MAGI2: variants seen among roughly 807,000 people sequenced by gnomAD.
MAGI2 encodes membrane associated guanylate kinase, WW and PDZ domain containing 2, also known as membrane-associated guanylate kinase, WW and PDZ domain-containing protein 2.
MAGI2 carries 35 observed loss-of-function variants against 133.3 expected under a neutral mutation model. That is an observed-to-expected ratio of 0.26 (90% CI 0.20 to 0.35). The LOEUF is 0.35. MAGI2 is among the 10% of genes least tolerant of loss of function. The pLI is 1.00. For missense variants in MAGI2, 1,636 were observed against 1,863.4 expected, an observed-to-expected ratio of 0.88 and a Z score of 2.25; for synonymous variants, 729 against 710.6, an observed-to-expected ratio of 1.03 and a Z score of -0.41.
chr7:79,259,711 G>T (rs866893466), intron 1 of MAGI2, among the ~76,000 whole-genome samples: 1 of 152,030 alleles, frequency 6.6e-6, no homozygotes, highest in Non-Finnish European at 1.5e-5. Context: ...TTACCAAATT[G>T]TTACTTGATT....
intron 3 of MAGI2, among the ~76,000 whole-genome samples, chr7:78,568,801 A>C (rs187985406): frequency 4.1e-4 from 63 of 152,220 alleles, no homozygotes; most frequent in Middle Eastern, 3.4e-3. Flanking sequence ...TGAAAAAAAA[A>C]CATGTAAGTC....
chr7:79,006,958 C>T, intron 2 of MAGI2, 132 bp downstream of exon 2: 1 of 614,650 alleles, frequency 1.6e-6, no homozygotes, highest in Non-Finnish European at 2.7e-6. Context: ...ATTGCCACAT[C>T]TCAAATAAGT....
At chr7:79,061,574 GA>G (rs1298836650) in intron 1 of MAGI2, among the ~76,000 whole-genome samples, 2 of 151,866 alleles carry the variant, frequency 1.3e-5, no homozygotes, top group African/African-American at 4.8e-5. Context: ...TGAAAAAGAA[GA>G]AAAAAAGAAG....
chr7:78,907,902 A>C, intron 2 of MAGI2, among the ~76,000 whole-genome samples: 1 of 152,344 alleles, frequency 6.6e-6, no homozygotes, highest in South Asian at 2.1e-4. Context: ...TAACTATTTA[A>C]AGCACTGAAT....
At chr7:78,470,034 G>A (rs1791036000) in intron 6 of MAGI2, among the ~76,000 whole-genome samples, 1 of 152,070 alleles carries the variant, frequency 6.6e-6, no homozygotes, top group Non-Finnish European at 1.5e-5. Flanking sequence ...TGTTCCCTAA[G>A]CCTGCTGTGG....
intron 1 of MAGI2, among the ~76,000 whole-genome samples, chr7:79,026,266 T>A (rs1215614689): frequency 1.3e-5 from 2 of 152,216 alleles, no homozygotes; most frequent in Admixed American, 1.3e-4. Flanking sequence ...TGTCCATAAT[T>A]TTTAAACCTA....
At chr7:79,428,534 G>C (rs1206526000) in intron 1 of MAGI2, among the ~76,000 whole-genome samples, 2 of 152,064 alleles carry the variant, frequency 1.3e-5, no homozygotes, top group Non-Finnish European at 2.9e-5. Context: ...TCATTAATAG[G>C]CTTTTCTGTC....
At chr7:78,510,071 G>A (rs73139218) in intron 4 of MAGI2, among the ~76,000 whole-genome samples, 23,598 of 152,006 alleles carry the variant, frequency 0.16, 2,192 homozygotes, top group South Asian at 0.34. Context: ...AAACATTTAA[G>A]CTGAGAGAAA....
At chr7:79,149,149 ATATATATATAT>A (rs1453958290) in intron 1 of MAGI2, among the ~76,000 whole-genome samples, 1 of 145,040 alleles carries the variant, frequency 6.9e-6, no homozygotes, top group Non-Finnish European at 1.5e-5. Flanking sequence ...TCCTAAAATT[ATATATATATAT>A]TATATATATA....
chr7:78,563,016 T>G (rs1462228930), intron 3 of MAGI2, among the ~76,000 whole-genome samples: 3 of 150,930 alleles, frequency 2.0e-5, no homozygotes, highest in Admixed American at 6.6e-5. Flanking sequence ...TTTTAATGAG[T>G]GGTCATTTGA....
At chr7:79,143,795 T>C (rs1822357242) in intron 1 of MAGI2, among the ~76,000 whole-genome samples, 1 of 152,198 alleles carries the variant, frequency 6.6e-6, no homozygotes, top group African/African-American at 2.4e-5. Flanking sequence ...GATATTTAAA[T>C]ATCCCTTAAA....
At chr7:78,578,995 C>A (rs1276202281) in intron 3 of MAGI2, among the ~76,000 whole-genome samples, 1 of 152,158 alleles carries the variant, frequency 6.6e-6, no homozygotes, top group Non-Finnish European at 1.5e-5. Flanking sequence ...AAACCCTCAC[C>A]GGGGGTTCTA....
At chr7:79,078,383 A>T (rs904477155) in intron 1 of MAGI2, among the ~76,000 whole-genome samples, 1 of 152,114 alleles carries the variant, frequency 6.6e-6, no homozygotes, top group African/African-American at 2.4e-5. Flanking sequence ...AATCCCAGCT[A>T]GCTTTCATAA....
intron 16 of MAGI2, among the ~76,000 whole-genome samples, chr7:78,154,695 C>T (rs1238248037): frequency 6.6e-6 from 1 of 152,098 alleles, no homozygotes; most frequent in Non-Finnish European, 1.5e-5. Flanking sequence ...AAGGTGGAGA[C>T]TTTCAAATTA....
chr7:78,747,936 C>T (rs961798861), intron 2 of MAGI2, among the ~76,000 whole-genome samples: 1 of 152,154 alleles, frequency 6.6e-6, no homozygotes, highest in Admixed American at 6.6e-5. Context: ...TATGGCTACT[C>T]CACTGACATA....
intron 1 of MAGI2, among the ~76,000 whole-genome samples, chr7:79,057,653 G>T (rs1011177557): frequency 6.6e-6 from 1 of 152,048 alleles, no homozygotes; most frequent in Non-Finnish European, 1.5e-5. Flanking sequence ...CGGTCTTGAG[G>T]TATTTCAATG....
At chr7:79,011,924 C>CCTTCCTTCCTTCCTTCCTTCCTTT (rs1413880167) in intron 1 of MAGI2, among the ~76,000 whole-genome samples, 9 of 121,204 alleles carry the variant, frequency 7.4e-5, no homozygotes, top group African/African-American at 2.7e-4. Flanking sequence ...TTCCTTCCTT[C>CCTTCCTTCCTTCCTTCCTTCCTTT]CTTTCTTTCT....
chr7:79,221,541 G>GT (rs1201618965), intron 1 of MAGI2, among the ~76,000 whole-genome samples: 1 of 151,968 alleles, frequency 6.6e-6, no homozygotes, highest in Non-Finnish European at 1.5e-5. Flanking sequence ...CATCTTTACT[G>GT]TTTTTTGAGT....
Position 78,552,261 on chromosome 7 carries a change from G to A in MAGI2, c.539-30616C>T, listed in dbSNP as rs374930168. ...TACAATGGCGCGATCTCAGCTCACC[G>A]CAACCTCCACCTCCTGGGTTCAAGC... On this transcript the variant is annotated intron_variant, in intron 3 of 21. Transcript: ENST00000354212. 2.9e-3 allele frequency among the ~76,000 whole-genome samples: 371 copies of A among 125,786 alleles called. 1 individual carries two copies. The highest frequency in any genetic ancestry group is 5.5e-3 in the South Asian group (20 of 3,642). The allele number at this position is 125,786 out of a possible 152,430, so 82.5% of individuals were successfully genotyped here.
Sources: allele counts gnomAD v4.1 joint callset (sites outside exome capture counted in the v4.1 genomes callset), GRCh38; gene constraint gnomAD v4.1.1; transcripts MANE v1.5; gene names NCBI Gene and HGNC (gene_info 2026-07-23, HGNC 2026-07-21).